Variants in FCAMR observed in about 807,000 individuals in gnomAD.
FCAMR encodes Fc alpha and mu receptor, also known as high affinity immunoglobulin alpha and immunoglobulin mu Fc receptor.
A neutral mutation model predicts 52.2 loss-of-function variants in FCAMR; 51 were observed. That is an observed-to-expected ratio of 0.98 (90% CI 0.78 to 1.23). FCAMR has a LOEUF of 1.23. Ranked by LOEUF, FCAMR falls within the 50% of genes most tolerant of loss-of-function variation. The pLI, the probability that FCAMR is intolerant of heterozygous loss-of-function variation, is 0.00. For synonymous variants in FCAMR, 282 were observed against 262.0 expected (o/e 1.08, Z -0.74); for missense variants, 719 against 712.6 (o/e 1.01, Z -0.10).
intron 7 of FCAMR, 68 bp from the exon 8 acceptor site, chr1:206,958,744 A>G: frequency 6.3e-7 from 1 of 1,583,050 alleles, no homozygotes; most frequent in Admixed American, 1.7e-5. Flanking sequence ...TTTCCTAAGA[A>G]CCACTCCCAA....
In FCAMR at chr1:206,962,400, A is replaced by C; in HGVS notation, c.465T>G (p.Ile155Met). 6.2e-7 allele frequency: 1 copy of C among 1,614,166 alleles called. No individual in the cohort carries two copies. The highest frequency in any genetic ancestry group is 1.3e-5 in the African/African-American group (1 of 75,050). The change falls in exon 5 of 8, where the codon ATT becomes ATG. Residue 155 changes from isoleucine to methionine, a missense_variant. Physicochemically the swap from Ile to Met is conservative, Grantham distance 10. Coordinates refer to ENST00000324852, the MANE Select transcript of FCAMR (RefSeq NM_001170631.2). ...GGTGAGTATACTGGTTGGTGGACAC[A>C]ATGGTCTGGCAGATCCATCTTGGGG... is the stretch of plus-strand genomic sequence containing the variant. Reference protein sequence around the residue: ...LGPPRWICQTIVSTNQYTHHR... With the variant: ...LGPPRWICQTMVSTNQYTHHR...
At position 206,970,437 on chromosome 1, in the gene FCAMR, G is replaced by T; in HGVS notation, c.-312C>A. Reference sequence around the variant, plus strand: ...CAGTAGCTTCAAAAAAGAAAACACTGATCCATATCCTTCCTCCTCTTGTGT... The same window carrying T: ...CAGTAGCTTCAAAAAAGAAAACACTTATCCATATCCTTCCTCCTCTTGTGT... On this transcript the variant is annotated 5_prime_UTR_variant, in exon 1 of 8. Transcript: ENST00000324852. The T allele has an allele frequency of 3.3e-6, 1 of 305,132 alleles. No homozygotes were observed. The highest frequency in any genetic ancestry group is 6.1e-6 in the Non-Finnish European group (1 of 164,534). 18.9% of individuals were successfully genotyped at this position (305,132 alleles called of 1,614,324 possible).
chr1:206,966,637 G>T (rs1021397485), intron 3 of FCAMR, among the ~76,000 whole-genome samples: 5 of 152,180 alleles, frequency 3.3e-5, no homozygotes, highest in Non-Finnish European at 5.9e-5. Context: ...GCCTGCCTGG[G>T]CCTCCCAAAG....
intron 2 of FCAMR, 78 bp downstream of exon 2, chr1:206,967,505 G>T: frequency 6.9e-7 from 1 of 1,455,420 alleles, no homozygotes; most frequent in Non-Finnish European, 9.6e-7. Context: ...GTGGGACCTT[G>T]GAAGGTTAGT....
chr1:206,964,845 A>G (rs1235263040), intron 4 of FCAMR, among the ~76,000 whole-genome samples: 1 of 152,214 alleles, frequency 6.6e-6, no homozygotes, highest in Non-Finnish European at 1.5e-5. Flanking sequence ...ATGAAAATGC[A>G]GGACTTCTTG....
In FCAMR at chr1:206,958,350, T is replaced by C; in HGVS notation, c.*166A>G. 2 of 730,568 alleles carry C rather than the reference T, an allele frequency of 2.7e-6. No homozygotes were observed. 45.3% of individuals were successfully genotyped at this position (730,568 alleles called of 1,614,324 possible). On this transcript the variant is annotated 3_prime_UTR_variant, in exon 8 of 8. Transcript: ENST00000324852. The stretch of plus-strand genomic sequence containing the variant: ...TTTGGACGTGGATAATGCTTGACTT[T>C]CTTGGGCCCAAGGACAGCCAGCCTT...
intron 7 of FCAMR, 97 bp downstream of exon 7, chr1:206,959,582 T>C (rs766096015): frequency 1.8e-5 from 16 of 893,466 alleles, no homozygotes; most frequent in South Asian, 1.0e-4. Flanking sequence ...CTCTTCTACA[T>C]TGAAAAGTCC....
chr1:206,965,722 G>T lies in FCAMR; in HGVS notation c.306C>A (p.Ser102=). Residue 102 remains serine, a synonymous_variant, in exon 4 of 8, where the codon TCC becomes TCA. Coordinates refer to ENST00000324852, the MANE Select transcript of FCAMR (RefSeq NM_001170631.2). ...GGAGAGTAGGGGTTGTACCTGCAAA[G>T]GAGCTCTCCTCCCGCCAGCAGAGGG... ...SSPLCWREES[S]FAAPNSLKGS... 3 of 1,571,456 alleles carry T rather than the reference G, an allele frequency of 1.9e-6. No homozygotes were observed. Among genetic ancestry groups the T allele is most frequent in the Non-Finnish European group, 2.6e-6 (3 of 1,164,438 alleles).
chr1:206,970,233 G>T lies in FCAMR; in HGVS notation c.-108C>A. The T allele has an allele frequency of 7.4e-7, 1 of 1,356,120 alleles. No homozygotes were observed. The highest frequency in any genetic ancestry group is 1.0e-6 in the Non-Finnish European group (1 of 968,370). The allele number at this position is 1,356,120 out of a possible 1,614,324, so 84.0% of individuals were successfully genotyped here. ...TTAAACCTGGAGACTGAGAAGTCAAGGTGGTATTTTGGAAAGCAGCTGGAG... is the reference window on the plus strand; with the variant it reads ...TTAAACCTGGAGACTGAGAAGTCAATGTGGTATTTTGGAAAGCAGCTGGAG... On this transcript the variant is annotated 5_prime_UTR_variant, in exon 1 of 8. Transcript: ENST00000324852.
chr1:206,960,860 C>G lies in FCAMR; in HGVS notation c.1016G>C (p.Arg339Thr), dbSNP rs1425018659. The stretch of plus-strand genomic sequence containing the variant: ...CATCTCCCTCCTGTCCTTGCTGGCT[C>G]TAGCCCTGTTTGTCACCGAGCTTCT... ...GTRSSVTNRA[R>T]ASKDRREMTT... The change falls in exon 6 of 8, where the codon AGA becomes ACA. Residue 339 changes from arginine to threonine, a missense_variant. Arg to Thr is a moderately conservative substitution (Grantham distance 71). Coordinates refer to ENST00000324852, the MANE Select transcript of FCAMR (RefSeq NM_001170631.2). 23 of 1,552,326 alleles carry G rather than the reference C, an allele frequency of 1.5e-5. No individual in the cohort carries two copies. Among genetic ancestry groups the G allele is most frequent in the Non-Finnish European group, 1.9e-5 (22 of 1,147,160 alleles).
At chr1:206,968,030 G>A (rs1308814783) in intron 1 of FCAMR, among the ~76,000 whole-genome samples, 2 of 152,138 alleles carry the variant, frequency 1.3e-5, no homozygotes, top group Non-Finnish European at 1.5e-5. Context: ...GTCTTTTACC[G>A]CTTGCTGATG....
chr1:206,960,087 T>A, intron 6 of FCAMR: 1 of 506,502 alleles, frequency 2.0e-6, no homozygotes, highest in Non-Finnish European at 3.5e-6. Context: ...GCCTCAGCAC[T>A]GGGCTCTGCC....
At position 206,959,727 on chromosome 1, in the gene FCAMR, G is replaced by A. The variant is rs1680421013; in HGVS notation, c.1525C>T (p.Leu509Phe). Residue 509 changes from leucine to phenylalanine, a missense_variant, in exon 7 of 8, where the codon CTT (leucine) becomes TTT (phenylalanine). By Grantham distance (22) the Leu-to-Phe change is conservative. Coordinates refer to ENST00000324852, the MANE Select transcript of FCAMR (RefSeq NM_001170631.2). The stretch of plus-strand genomic sequence containing the variant: ...CTTTGCAATAGAACCAGAGCCATAA[G>A]CATAAACAGGGCCAGCATGGTAGAG... ...PVSTMLALFM[L>F]MALVLLQRKL... The A allele has an allele frequency of 6.2e-7, 1 of 1,614,022 alleles. No homozygotes were observed. The highest frequency in any genetic ancestry group is 8.5e-7 in the Non-Finnish European group (1 of 1,180,012).
At chr1:206,962,098 T>C in intron 5 of FCAMR, 115 bp downstream of exon 5, 2 of 1,042,774 alleles carry the variant, frequency 1.9e-6, no homozygotes, top group Non-Finnish European at 2.8e-6. Context: ...CCCCAGCTTT[T>C]CATTGTCACT....
At position 206,970,278 on chromosome 1, in the gene FCAMR, G is replaced by T; in HGVS notation, c.-153C>A. ...CTGGAGCTAGCAACGGAAGGTCGGG[G>T]TGCAAGGCGTAGCTCTGCCACTCAC... On this transcript the variant is annotated 5_prime_UTR_variant, in exon 1 of 8. Coordinates refer to ENST00000324852, the MANE Select transcript of FCAMR (RefSeq NM_001170631.2). The T allele has an allele frequency of 1.4e-6, 1 of 737,938 alleles. No individual in the cohort carries two copies. Among genetic ancestry groups the T allele is most frequent in the South Asian group, 1.8e-5 (1 of 55,594 alleles). The allele number at this position is 737,938 out of a possible 1,614,324, so 45.7% of individuals were successfully genotyped here. A position where few individuals can be genotyped will look rare whatever the true frequency, so the allele number is the denominator to read the frequency against.
chr1:206,959,903 C>T (rs1338417420), intron 6 of FCAMR, 106 bp from the exon 7 acceptor site: 1 of 898,762 alleles, frequency 1.1e-6, no homozygotes, highest in African/African-American at 1.6e-5. Context: ...GAGCTGAGGC[C>T]AAAGCAAATG....
intron 2 of FCAMR, among the ~76,000 whole-genome samples, 195 bp downstream of exon 2, chr1:206,967,388 G>T (rs1236432722): frequency 6.6e-6 from 1 of 152,182 alleles, no homozygotes; most frequent in Admixed American, 6.5e-5. Context: ...AACTCCCTCT[G>T]TAGGATTCTA....
chr1:206,959,668 ACTC>A lies in FCAMR; in HGVS notation c.1573+8_1573+10del, dbSNP rs1356903842. The A allele has an allele frequency of 6.2e-7, 1 of 1,606,620 alleles. No homozygotes were observed. The highest frequency in any genetic ancestry group is 1.3e-5 in the African/African-American group (1 of 74,740). ...AACTCTTCTATCTAGCCTTGGGGCTACTCAACTCACAGGTCCTCCTTCTCCAGA... is the reference window on the plus strand; with the variant it reads ...AACTCTTCTATCTAGCCTTGGGGCTAAACTCACAGGTCCTCCTTCTCCAGA... On this transcript the variant is annotated splice_region_variant and intron_variant, in intron 7 of 7. Transcript: ENST00000324852.
rs764454705 is a variant in FCAMR, at chr1:206,965,774, GC to G, written c.253del (p.Ala85ProfsTer25). 6.3e-7 allele frequency: 1 copy of G among 1,582,090 alleles called. No homozygotes were observed. Among genetic ancestry groups the G allele is most frequent in the Non-Finnish European group, 8.6e-7 (1 of 1,168,466 alleles). ...GSLPSRTHLR[A>X]MGTLRPSSPL... ...CGAGGAAGGCCTGAGTGTTCCCATG[GC>G]CCGGAGATGGGTCCTGGAGGGGAGA... On this transcript the variant is annotated frameshift_variant, in exon 4 of 8. Coordinates refer to ENST00000324852, the MANE Select transcript of FCAMR (RefSeq NM_001170631.2). LOFTEE classifies it high-confidence loss of function.
Sources: gnomAD v4.1 joint callset for allele counts (sites outside exome capture counted in the v4.1 genomes callset) on GRCh38, gnomAD v4.1.1 for gene constraint, MANE v1.5 for transcripts, NCBI Gene and HGNC (gene_info 2026-07-23, HGNC 2026-07-21) for gene names.